NUCKS1: variants seen among roughly 807,000 people sequenced by gnomAD.
The protein encoded by NUCKS1 is nuclear casein kinase and cyclin dependent kinase substrate 1, also known as nuclear ubiquitous casein and cyclin-dependent kinase substrate 1.
Under a neutral mutation model 33.0 loss-of-function variants are expected in NUCKS1, and 2 were observed. The ratio of observed to expected loss-of-function variants is 0.06; its 90% confidence interval spans 0.02 to 0.19. NUCKS1 has a LOEUF of 0.19. Ranked by LOEUF, NUCKS1 falls within the 10% of genes least tolerant of loss-of-function variation. The pLI, the probability that NUCKS1 is intolerant of heterozygous loss-of-function variation, is 1.00. For synonymous variants in NUCKS1, 106 were observed against 102.8 expected (o/e 1.03, Z -0.19); for missense variants, 201 against 293.6 (o/e 0.68, Z 2.31).
At chr1:205,748,294 T>C (rs1654381309) in intron 1 of NUCKS1, among the ~76,000 whole-genome samples, 1 of 152,172 alleles carries the variant, frequency 6.6e-6, no homozygotes, top group African/African-American at 2.4e-5. Context: ...CAAAACTTAG[T>C]GAACTAAAAT....
rs945695788 is a variant in NUCKS1, at chr1:205,714,962, A to G, written c.*3318T>C. The G allele has an allele frequency of 6.6e-6, 1 of 152,138 alleles. No homozygotes were observed. The highest frequency in any genetic ancestry group is 1.5e-5 in the Non-Finnish European group (1 of 68,042). 9.4% of individuals were successfully genotyped at this position (152,138 alleles called of 1,614,324 possible). Reference sequence around the variant, plus strand: ...TATAAAGCTTTCCCCGTTGCTCCTGATATTTATTTCTGCTTTTGCCTAACG... The same window carrying G: ...TATAAAGCTTTCCCCGTTGCTCCTGGTATTTATTTCTGCTTTTGCCTAACG... On this transcript the variant is annotated 3_prime_UTR_variant, in exon 7 of 7. Coordinates refer to ENST00000367142, the MANE Select transcript of NUCKS1 (RefSeq NM_022731.5).
intron 1 of NUCKS1, among the ~76,000 whole-genome samples, chr1:205,747,791 A>G (rs1477811787): frequency 6.6e-6 from 1 of 152,246 alleles, no homozygotes; most frequent in African/African-American, 2.4e-5. Flanking sequence ...AGATTCTTCA[A>G]TTATACTTTG....
intron 1 of NUCKS1, among the ~76,000 whole-genome samples, chr1:205,735,955 T>A (rs1209480991): frequency 6.6e-6 from 1 of 152,170 alleles, no homozygotes; most frequent in Non-Finnish European, 1.5e-5. Context: ...TCTCTTTTTT[T>A]TTTTTGGAGA....
intron 1 of NUCKS1, among the ~76,000 whole-genome samples, chr1:205,741,297 C>CAAAAAAAAAA (rs56979923): frequency 8.4e-4 from 66 of 78,888 alleles, no homozygotes; most frequent in African/African-American, 1.6e-3. Flanking sequence ...GAGACTGTCT[C>CAAAAAAAAAA]AAAAAAAAAA....
chr1:205,735,745 C>T (rs947828571), intron 1 of NUCKS1, among the ~76,000 whole-genome samples: 3 of 152,132 alleles, frequency 2.0e-5, no homozygotes. Context: ...TCAATAACAG[C>T]TATTATTACT....
At chr1:205,734,724 T>C (rs887172428) in intron 1 of NUCKS1, among the ~76,000 whole-genome samples, 6 of 152,002 alleles carry the variant, frequency 3.9e-5, no homozygotes, top group African/African-American at 1.5e-4. Context: ...TGAAACCCCA[T>C]CTCCACTAAA....
At chr1:205,719,289 G>A (rs1671881127) in intron 6 of NUCKS1, among the ~76,000 whole-genome samples, 1 of 152,182 alleles carries the variant, frequency 6.6e-6, no homozygotes, top group African/African-American at 2.4e-5. Flanking sequence ...CTGAAATCTT[G>A]CTCAAGTACT....
At chr1:205,734,347 G>A (rs1238670291) in intron 1 of NUCKS1, among the ~76,000 whole-genome samples, 7 of 151,742 alleles carry the variant, frequency 4.6e-5, no homozygotes, top group South Asian at 4.1e-4. Context: ...TATCCCTTCC[G>A]TTGAAATATG....
rs758227848 is a variant in NUCKS1 at position 205,718,237 on chromosome 1, C to CTT, written c.*41_*42dup. 5.0e-5 allele frequency: 33 copies of CTT among 653,542 alleles called. No homozygotes were observed. The highest frequency in any genetic ancestry group is 1.8e-4 in the South Asian group (7 of 39,922). 40.5% of individuals were successfully genotyped at this position (653,542 alleles called of 1,614,324 possible). A position where few individuals can be genotyped will look rare whatever the true frequency, so the allele number is the denominator to read the frequency against. ...TCCTCCCTCTTTTTTCTTTTTTTTT[C>CTT]TTTTTTTTTTTAATAAAATCTCTCC... On this transcript the variant is annotated 3_prime_UTR_variant, in exon 7 of 7. Transcript: ENST00000367142.
intron 1 of NUCKS1, among the ~76,000 whole-genome samples, chr1:205,743,184 CA>C: frequency 6.6e-6 from 1 of 151,980 alleles, no homozygotes; most frequent in Non-Finnish European, 1.5e-5. Flanking sequence ...AAAAACAGGC[CA>C]AAAAAACCCC....
In NUCKS1 at chr1:205,744,638, T is replaced by TTTTTG. The variant is rs1324635001; in HGVS notation, c.17+5318_17+5319insCAAAA. 1.3e-4 allele frequency among the ~76,000 whole-genome samples: 18 copies of TTTTTG among 138,236 alleles called. 1 individual carries two copies. Among genetic ancestry groups the TTTTTG allele is most frequent in the African/African-American group, 4.1e-4 (15 of 36,722 alleles). The allele number at this position is 138,236 out of a possible 152,430, so 90.7% of individuals were successfully genotyped here. A position where few individuals can be genotyped will look rare whatever the true frequency, so the allele number is the denominator to read the frequency against. On this transcript the variant is annotated intron_variant, in intron 1 of 6. Transcript: ENST00000367142. ...TTCCTAAGTTCACTAGAGTTTTTTT[T>TTTTTG]TTTTTTTTTTTGAGACGGAGTTTCG...
At chr1:205,746,464 C>CAT in intron 1 of NUCKS1, among the ~76,000 whole-genome samples, 1 of 142,790 alleles carries the variant, frequency 7.0e-6, no homozygotes, top group African/African-American at 2.6e-5. Context: ...CACACACACA[C>CAT]ACACACACAC....
In NUCKS1 at chr1:205,719,684, G is replaced by A. The variant is rs772339804; in HGVS notation, c.383-8C>T. On this transcript the variant is annotated splice_polypyrimidine_tract_variant and splice_region_variant and intron_variant, in intron 5 of 6. Transcript: ENST00000367142. ...CATCGCTGCCGGAATCTTCTGAGAA[G>A]AAAGAAGAATTTCAACATCTAACTT... is the stretch of plus-strand genomic sequence containing the variant. The A allele has an allele frequency of 3.1e-6, 5 of 1,603,112 alleles. No individual in the cohort carries two copies. In the South Asian group the frequency reaches 5.7e-5, roughly 18 times the overall value.
intron 1 of NUCKS1, among the ~76,000 whole-genome samples, chr1:205,732,475 C>A (rs1021201584): frequency 6.6e-6 from 1 of 152,066 alleles, no homozygotes; most frequent in African/African-American, 2.4e-5. Context: ...CAATACTGAA[C>A]TATACACTTA....
intron 1 of NUCKS1, among the ~76,000 whole-genome samples, chr1:205,745,666 T>C (rs1654302878): frequency 6.6e-6 from 1 of 152,168 alleles, no homozygotes; most frequent in Non-Finnish European, 1.5e-5. Flanking sequence ...CACTGAATAC[T>C]AGGCAAGAAA....
chr1:205,719,110 G>A (rs1266598409), intron 6 of NUCKS1, among the ~76,000 whole-genome samples: 2 of 152,196 alleles, frequency 1.3e-5, no homozygotes, highest in East Asian at 3.8e-4. Flanking sequence ...CACAGAGGAT[G>A]GGGTAGAGTT....
rs1390600742 is a variant in NUCKS1, at chr1:205,750,132, G to C, written c.-159C>G. The C allele has an allele frequency of 2.6e-6, 2 of 762,170 alleles. No individual in the cohort carries two copies. Among genetic ancestry groups the C allele is most frequent in the Non-Finnish European group, 4.4e-6 (2 of 456,220 alleles). 47.2% of individuals were successfully genotyped at this position (762,170 alleles called of 1,614,324 possible). A position where few individuals can be genotyped will look rare whatever the true frequency, so the allele number is the denominator to read the frequency against. On this transcript the variant is annotated 5_prime_UTR_variant, in exon 1 of 7. Transcript: ENST00000367142. ...TCAAACTCCGCTGCTCTTTGGTTCAGGGCTCCTGGAACAGACGAGCCCCCC... is the reference window on the plus strand; with the variant it reads ...TCAAACTCCGCTGCTCTTTGGTTCACGGCTCCTGGAACAGACGAGCCCCCC...
chr1:205,718,133 C>T lies in NUCKS1; in HGVS notation c.*147G>A, dbSNP rs1671858683. ...AGAGAGAGAGAAATGTTACTTTCAA[C>T]AAATGGAAAAAAGCACTGAAAGCCC... On this transcript the variant is annotated 3_prime_UTR_variant, in exon 7 of 7. Transcript: ENST00000367142. 2 of 1,149,802 alleles carry T rather than the reference C, an allele frequency of 1.7e-6. No homozygotes were observed. The highest frequency in any genetic ancestry group is 4.8e-5 in the East Asian group (1 of 20,842). The allele number at this position is 1,149,802 out of a possible 1,614,324, so 71.2% of individuals were successfully genotyped here. A position where few individuals can be genotyped will look rare whatever the true frequency, so the allele number is the denominator to read the frequency against.
chr1:205,728,602 AT>A (rs1027347692), intron 2 of NUCKS1, among the ~76,000 whole-genome samples: 7 of 152,002 alleles, frequency 4.6e-5, no homozygotes, highest in African/African-American at 7.2e-5. Context: ...GCTACATATT[AT>A]TTTTTTTCTC....
Sources: gnomAD v4.1 joint callset for allele counts (sites outside exome capture counted in the v4.1 genomes callset) on GRCh38, gnomAD v4.1.1 for gene constraint, MANE v1.5 for transcripts, NCBI Gene and HGNC (gene_info 2026-07-23, HGNC 2026-07-21) for gene names.